The following TAS2R1 variants were observed in gnomAD, a reference collection of about 807,000 sequenced individuals.
TAS2R1 encodes the protein taste receptor type 2 member 1.
For missense variants in TAS2R1, 370 were observed against 353.4 expected (o/e 1.05, Z -0.38); for synonymous variants, 141 against 134.2 (o/e 1.05, Z -0.35).
intron 1 of TAS2R1, among the ~76,000 whole-genome samples, chr5:9,710,421 A>T (rs1741705705): frequency 6.6e-6 from 1 of 152,202 alleles, no homozygotes; most frequent in South Asian, 2.1e-4. Context: ...CCACTTTTTG[A>T]TCCCTGCATG....
At chr5:9,700,670 C>T (rs1741461290) in intron 1 of TAS2R1, among the ~76,000 whole-genome samples, 1 of 152,110 alleles carries the variant, frequency 6.6e-6, no homozygotes, top group Non-Finnish European at 1.5e-5. Context: ...TGTTTGATCA[C>T]AGTCCTGGAG....
At chr5:9,712,901 C>T (rs75026996), upstream of TAS2R1, among the ~76,000 whole-genome samples, 12,159 of 150,836 alleles carry the variant, frequency 0.081, 628 homozygotes, top group Admixed American at 0.19. Flanking sequence ...TTGGAGAACC[C>T]TAACTAATAT....
the TAS2R1 span, among the ~76,000 whole-genome samples, chr5:9,776,272 C>G: frequency 2.0e-5 from 3 of 152,278 alleles, no homozygotes; most frequent in South Asian, 6.2e-4. Context: ...TCTCCCTCCC[C>G]CAAGTGCATG....
intron 1 of TAS2R1, among the ~76,000 whole-genome samples, chr5:9,669,772 G>A (rs1740713166): frequency 6.6e-6 from 1 of 152,048 alleles, no homozygotes; most frequent in South Asian, 2.1e-4. Context: ...GTGTTAAGAG[G>A]GAAGTTTACA....
chr5:9,798,708 A>G, the TAS2R1 span, among the ~76,000 whole-genome samples: 2 of 152,198 alleles, frequency 1.3e-5, no homozygotes, highest in Admixed American at 1.3e-4. Flanking sequence ...AGCCTGGGTC[A>G]CTACTTTACA....
the TAS2R1 span, among the ~76,000 whole-genome samples, chr5:9,820,391 G>A: frequency 1.3e-5 from 2 of 152,118 alleles, no homozygotes; most frequent in African/African-American, 4.8e-5. Flanking sequence ...AGTGTTCATT[G>A]TGGAATTATT....
chr5:9,885,068 A>G, the TAS2R1 span, among the ~76,000 whole-genome samples: 2 of 152,114 alleles, frequency 1.3e-5, no homozygotes, highest in African/African-American at 4.8e-5. Flanking sequence ...CACAGTAACC[A>G]TTTTCTGTAG....
At chr5:9,816,150 G>T in the TAS2R1 span, among the ~76,000 whole-genome samples, 1 of 152,120 alleles carries the variant, frequency 6.6e-6, no homozygotes, top group African/African-American at 2.4e-5. Flanking sequence ...ATTAAAAAGT[G>T]ACTATTTTAT....
chr5:9,802,404 G>A, the TAS2R1 span, among the ~76,000 whole-genome samples: 1 of 152,112 alleles, frequency 6.6e-6, no homozygotes, highest in Non-Finnish European at 1.5e-5. Flanking sequence ...GGAGCACCCC[G>A]TGGAACAAAA....
chr5:9,677,237 AC>A (rs1740894858), intron 1 of TAS2R1, among the ~76,000 whole-genome samples: 2 of 152,100 alleles, frequency 1.3e-5, no homozygotes, highest in Non-Finnish European at 2.9e-5. Context: ...CCGGAACAAC[AC>A]ACAATAACAC....
the TAS2R1 span, among the ~76,000 whole-genome samples, chr5:9,846,537 C>T: frequency 6.6e-6 from 1 of 152,184 alleles, no homozygotes; most frequent in African/African-American, 2.4e-5. Flanking sequence ...AAATAACATT[C>T]CTACATCTTT....
chr5:9,789,132 A>G, the TAS2R1 span, among the ~76,000 whole-genome samples: 2 of 152,210 alleles, frequency 1.3e-5, no homozygotes, highest in African/African-American at 4.8e-5. Context: ...CAGCTTTGAA[A>G]GAATTACCAT....
At chr5:9,902,946 T>G in the TAS2R1 span, among the ~76,000 whole-genome samples, 2 of 151,900 alleles carry the variant, frequency 1.3e-5, no homozygotes, top group African/African-American at 4.8e-5. Flanking sequence ...TAATTCTTTT[T>G]TAAAAAAAAA....
the TAS2R1 span, among the ~76,000 whole-genome samples, chr5:9,831,111 C>G: frequency 5.9e-5 from 9 of 152,190 alleles, no homozygotes; most frequent in Non-Finnish European, 1.2e-4. Context: ...ATCTCACTAA[C>G]AAGCATAATA....
At chr5:9,852,338 G>A in the TAS2R1 span, among the ~76,000 whole-genome samples, 1 of 151,784 alleles carries the variant, frequency 6.6e-6, no homozygotes, top group Non-Finnish European at 1.5e-5. Context: ...TCACAAGAGT[G>A]TCCAAACTTA....
chr5:9,718,125 ATTT>A, the TAS2R1 span, among the ~76,000 whole-genome samples: 3 of 138,798 alleles, frequency 2.2e-5, no homozygotes, highest in African/African-American at 2.6e-5. Flanking sequence ...ATGCCCAGCA[ATTT>A]TTTTTTTTTT....
chr5:9,822,110 C>A, the TAS2R1 span, among the ~76,000 whole-genome samples: 1 of 152,176 alleles, frequency 6.6e-6, no homozygotes, highest in Non-Finnish European at 1.5e-5. Flanking sequence ...CTTTAATACA[C>A]TAAATTCTTT....
At chr5:9,734,324 A>T in the TAS2R1 span, among the ~76,000 whole-genome samples, 1 of 152,218 alleles carries the variant, frequency 6.6e-6, no homozygotes, top group African/African-American at 2.4e-5. Flanking sequence ...AAACTGACTA[A>T]CACAACTCAC....
At chr5:9,669,943 A>G (rs1311762991) in intron 1 of TAS2R1, among the ~76,000 whole-genome samples, 2 of 152,152 alleles carry the variant, frequency 1.3e-5, no homozygotes, top group Admixed American at 1.3e-4. Flanking sequence ...AAAAAAACAT[A>G]TAAAAGATCA....
Sources: allele counts gnomAD v4.1 joint callset (sites outside exome capture counted in the v4.1 genomes callset), GRCh38; gene constraint gnomAD v4.1.1; transcripts MANE v1.5; gene names NCBI Gene and HGNC (gene_info 2026-07-23, HGNC 2026-07-21).